The following PRICKLE1 variants were observed in gnomAD, a reference collection of about 807,000 sequenced individuals.
PRICKLE1 encodes prickle-like protein 1.
PRICKLE1 carries 14 observed loss-of-function variants against 70.2 expected under a neutral mutation model. The ratio of observed to expected loss-of-function variants is 0.20; its 90% CI spans 0.13 to 0.31. The LOEUF (loss-of-function observed/expected upper bound fraction) is 0.31. PRICKLE1 is among the 10% of genes least tolerant of loss of function. PRICKLE1 has a pLI of 1.00. For synonymous variants in PRICKLE1, 357 were observed against 379.9 expected (o/e 0.94, Z 0.70); for missense variants, 821 against 1,026.2 (o/e 0.80, Z 2.73).
chr12:42,482,140 T>A (rs1398027502), intron 1 of PRICKLE1, among the ~76,000 whole-genome samples: 1 of 152,274 alleles, frequency 6.6e-6, no homozygotes, highest in Non-Finnish European at 1.5e-5. Context: ...CTGAGTGGGC[T>A]ATCACACATC....
chr12:42,531,136 T>TC (rs5797809), intron 1 of PRICKLE1, among the ~76,000 whole-genome samples: 135,351 of 147,644 alleles, frequency 0.92, 62,357 homozygotes, highest in Non-Finnish European at 0.98. Flanking sequence ...AAGCTCCGCC[T>TC]CCCAGGTTCA....
chr12:42,542,609 C>T (rs899006678), intron 1 of PRICKLE1, among the ~76,000 whole-genome samples: 1 of 152,198 alleles, frequency 6.6e-6, no homozygotes, highest in East Asian at 1.9e-4. Flanking sequence ...CGAGATCATG[C>T]CATTGCACTC....
chr12:42,534,525 G>A (rs954939329), intron 1 of PRICKLE1, among the ~76,000 whole-genome samples: 3 of 152,174 alleles, frequency 2.0e-5, no homozygotes, highest in Non-Finnish European at 4.4e-5. Context: ...CACTTTTGAT[G>A]AGCTAGACAC....
chr12:42,572,465 A>AATT (rs1566132161), intron 1 of PRICKLE1, among the ~76,000 whole-genome samples: 3 of 148,738 alleles, frequency 2.0e-5, no homozygotes, highest in African/African-American at 7.6e-5. Flanking sequence ...ATAAATAAAT[A>AATT]AATAAATTAA....
At chr12:42,498,399 C>G (rs1939247981) in intron 1 of PRICKLE1, among the ~76,000 whole-genome samples, 1 of 150,370 alleles carries the variant, frequency 6.7e-6, no homozygotes, top group Non-Finnish European at 1.5e-5. Context: ...GTATCGAACT[C>G]CTGGCCTCAA....
intron 1 of PRICKLE1, among the ~76,000 whole-genome samples, chr12:42,564,957 C>T (rs1296012546): frequency 1.3e-5 from 2 of 152,182 alleles, no homozygotes; most frequent in Non-Finnish European, 2.9e-5. Context: ...CTAGTATTAG[C>T]AAACTGAAAG....
chr12:42,516,707 G>A (rs1473078842), intron 1 of PRICKLE1, among the ~76,000 whole-genome samples: 1 of 152,178 alleles, frequency 6.6e-6, no homozygotes, highest in African/African-American at 2.4e-5. Flanking sequence ...GACAGGGAAA[G>A]GGAGGTTTTT....
rs1230325631 is a variant in PRICKLE1 at position 42,457,150 on chromosome 12, C to T, written c.*2659G>A. On this transcript the variant is annotated 3_prime_UTR_variant, in exon 8 of 8. Coordinates refer to ENST00000345127, the MANE Select transcript of PRICKLE1 (RefSeq NM_153026.3). ...TGAGATTGTGCCGTTGCGCTCCAGC[C>T]TGGGCAACAGGAGCGAAACTCCATC... The T allele has an allele frequency of 3.5e-5, 5 of 144,482 alleles. No homozygotes were observed. The highest frequency in any genetic ancestry group is 7.4e-5 in the Non-Finnish European group (5 of 67,158). 9.0% of individuals were successfully genotyped at this position (144,482 alleles called of 1,614,324 possible). A position where few individuals can be genotyped will look rare whatever the true frequency, so the allele number is the denominator to read the frequency against.
intron 1 of PRICKLE1, chr12:42,484,545 T>C (rs1440241008): frequency 6.6e-6 from 1 of 152,212 alleles, no homozygotes; most frequent in Non-Finnish European, 1.5e-5. Flanking sequence ...TTCGGAGTGA[T>C]TCCTACTGCT....
Position 42,459,116 on chromosome 12 carries a change from C to T in PRICKLE1, c.*693G>A, listed in dbSNP as rs1394843172. On this transcript the variant is annotated 3_prime_UTR_variant, in exon 8 of 8. Transcript: ENST00000345127. ...TGGCAAATCTAGCACTGCAGCGTAA[C>T]AAACGGCTTACAATTCAGGGATATA... 2.0e-6 allele frequency: 1 copy of T among 508,126 alleles called. No individual in the cohort carries two copies. The highest frequency in any genetic ancestry group is 1.9e-5 in the African/African-American group (1 of 52,682). The allele number at this position is 508,126 out of a possible 1,614,324, so 31.5% of individuals were successfully genotyped here. A position where few individuals can be genotyped will look rare whatever the true frequency, so the allele number is the denominator to read the frequency against.
At chr12:42,514,883 CTCGCTCTA>C (rs1353216107) in intron 1 of PRICKLE1, among the ~76,000 whole-genome samples, 1 of 121,932 alleles carries the variant, frequency 8.2e-6, no homozygotes, top group Non-Finnish European at 1.7e-5. Flanking sequence ...TTTTTTAAGG[CTCGCTCTA>C]TCTATCTATC....
intron 1 of PRICKLE1, among the ~76,000 whole-genome samples, chr12:42,503,134 A>G (rs559237735): frequency 2.0e-5 from 3 of 152,356 alleles, no homozygotes; most frequent in East Asian, 3.9e-4. Context: ...GGCCAAAGAT[A>G]AGAGACGCAA....
chr12:42,511,463 G>T (rs544239582), intron 1 of PRICKLE1, among the ~76,000 whole-genome samples: 64 of 152,322 alleles, frequency 4.2e-4, no homozygotes, highest in African/African-American at 1.4e-3. Context: ...AAGCCTCCAG[G>T]TATGAGATTA....
intron 1 of PRICKLE1, among the ~76,000 whole-genome samples, chr12:42,505,795 A>G (rs778574164): frequency 3.9e-5 from 6 of 152,310 alleles, no homozygotes; most frequent in Non-Finnish European, 7.3e-5. Context: ...CTGGCAATGT[A>G]AGAATCACCT....
In PRICKLE1 at chr12:42,468,832, A is replaced by G. The variant is rs769067132; in HGVS notation, c.385-3T>C. The G allele has an allele frequency of 5.6e-6, 9 of 1,613,756 alleles. No homozygotes were observed. The South Asian group carries it at 6.6e-5, about 12-fold the overall frequency. On this transcript the variant is annotated splice_region_variant and splice_polypyrimidine_tract_variant and intron_variant, in intron 4 of 7. Coordinates refer to ENST00000345127, the MANE Select transcript of PRICKLE1 (RefSeq NM_153026.3). ...CCTCCATTTATCTTCAAACCACACT[A>G]CAAACAAATGGGTTTGAATGTAAAA...
intron 1 of PRICKLE1, chr12:42,550,449 AGTTT>A (rs906856476): frequency 3.3e-5 from 5 of 152,208 alleles, no homozygotes; most frequent in African/African-American, 1.2e-4. Flanking sequence ...TGGAAACATT[AGTTT>A]ATTTACTGGA....
intron 1 of PRICKLE1, chr12:42,483,537 TACGAGTC>T: frequency 6.6e-6 from 1 of 152,020 alleles, no homozygotes; most frequent in Admixed American, 6.5e-5. Flanking sequence ...CTGGGTGCCC[TACGAGTC>T]ACCCGCACCC....
chr12:42,493,889 G>A (rs1015774134), intron 1 of PRICKLE1, among the ~76,000 whole-genome samples: 4 of 151,080 alleles, frequency 2.6e-5, no homozygotes, highest in Non-Finnish European at 5.9e-5. Context: ...AAGAAAAAAA[G>A]AGAACGAAAG....
chr12:42,468,709 T>A lies in PRICKLE1; in HGVS notation c.505A>T (p.Ile169Phe). Residue 169 changes from isoleucine to phenylalanine, a missense_variant, in exon 5 of 8, where the codon ATC becomes TTC. Coordinates refer to ENST00000345127, the MANE Select transcript of PRICKLE1 (RefSeq NM_153026.3). ...ATTTTTCCATCCTGATAAAAATAGA[T>A]GAGGTCGACCAGCAGCTCATTACAC... ...FTCNELLVDL[I>F]YFYQDGKIHC... 1 of 1,614,096 alleles carries A rather than the reference T, an allele frequency of 6.2e-7. No individual in the cohort carries two copies. Among genetic ancestry groups the A allele is most frequent in the African/African-American group, 1.3e-5 (1 of 74,992 alleles).
Sources: gnomAD v4.1 joint callset for allele counts (sites outside exome capture counted in the v4.1 genomes callset) on GRCh38, gnomAD v4.1.1 for gene constraint, MANE v1.5 for transcripts, NCBI Gene and HGNC (gene_info 2026-07-23, HGNC 2026-07-21) for gene names.